SLC25A47: variants seen among roughly 807,000 people sequenced by gnomAD.
The protein encoded by SLC25A47 is HCC-down-regulated mitochondrial carrier protein.
SLC25A47 carries 30 observed loss-of-function variants against 29.8 expected under a neutral mutation model. The ratio of observed to expected loss-of-function variants is 1.01; its 90% CI spans 0.75 to 1.36. The LOEUF (loss-of-function observed/expected upper bound fraction) is 1.36. Among genes scored for constraint, SLC25A47 ranks in the 40% most tolerant of loss-of-function variants. SLC25A47 has a pLI of 0.00. For missense variants in SLC25A47, 430 were observed against 441.9 expected, an observed-to-expected ratio of 0.97 and a Z score of 0.24; for synonymous variants, 204 against 197.8, an observed-to-expected ratio of 1.03 and a Z score of -0.26.
chr14:100,329,687 G>C lies in SLC25A47; in HGVS notation c.*42G>C, dbSNP rs2139849521. ...GCGGCCCACCCACCAGCAGCTGCTG[G>C]AGGTCGTAGTGGCTGGAGGAGGCAA... On this transcript the variant is annotated 3_prime_UTR_variant, in exon 6 of 6. Coordinates refer to ENST00000361529, the MANE Select transcript of SLC25A47 (RefSeq NM_207117.4). 6.3e-7 allele frequency: 1 copy of C among 1,578,004 alleles called. No homozygotes were observed. Among genetic ancestry groups the C allele is most frequent in the East Asian group, 2.2e-5 (1 of 44,582 alleles).
At chr14:100,325,881 C>T (rs1261608321) in intron 2 of SLC25A47, 50 bp downstream of exon 2, 1 of 1,583,146 alleles carries the variant, frequency 6.3e-7, no homozygotes, top group Admixed American at 1.8e-5. Flanking sequence ...TGCACCTGTC[C>T]ACGGCCAGGA....
Position 100,330,098 on chromosome 14 carries a change from G to C in SLC25A47, c.*453G>C, listed in dbSNP as rs1266892425. The C allele has an allele frequency of 5.9e-6, 1 of 170,338 alleles. No homozygotes were observed. Among genetic ancestry groups the C allele is most frequent in the East Asian group, 1.7e-4 (1 of 6,020 alleles). The allele number at this position is 170,338 out of a possible 1,614,324, so 10.6% of individuals were successfully genotyped here. On this transcript the variant is annotated 3_prime_UTR_variant, in exon 6 of 6. Coordinates refer to ENST00000361529, the MANE Select transcript of SLC25A47 (RefSeq NM_207117.4). Reference sequence around the variant, plus strand: ...CCTTACAGGCAGGGGCTTCCCACAGGCTGGGGGCCTCGGGGCGGGGAGCAT... The same window carrying C: ...CCTTACAGGCAGGGGCTTCCCACAGCCTGGGGGCCTCGGGGCGGGGAGCAT...
At position 100,329,518 on chromosome 14, in the gene SLC25A47, G is replaced by A. The variant is rs1422942529; in HGVS notation, c.800G>A (p.Arg267Gln). 10 of 1,613,378 alleles carry A rather than the reference G, an allele frequency of 6.2e-6. No individual in the cohort carries two copies. Among genetic ancestry groups the A allele is most frequent in the African/African-American group, 5.3e-5 (4 of 74,914 alleles). Residue 267 changes from arginine (R) to glutamine (Q), a missense_variant, in exon 6 of 6, where the codon CGA (arginine) becomes CAA (glutamine). Coordinates refer to ENST00000361529, the MANE Select transcript of SLC25A47 (RefSeq NM_207117.4). ...GLLHCMVTSV[R>Q]EEGPRVLFKG... is the part of the protein sequence containing the mutation. ...CTGCACTGTATGGTGACCAGCGTTC[G>A]AGAGGAGGGACCCCGGGTCCTTTTC...
chr14:100,329,073 G>A (rs745724749), intron 5 of SLC25A47, 29 bp downstream of exon 5: 8 of 1,591,686 alleles, frequency 5.0e-6, no homozygotes, highest in African/African-American at 2.7e-5. Context: ...CTGGCAGGGC[G>A]GGGAGCCCAG....
At chr14:100,326,068 C>A in intron 2 of SLC25A47, 89 bp from the exon 3 acceptor site, 2 of 1,207,274 alleles carry the variant, frequency 1.7e-6, no homozygotes, top group East Asian at 4.9e-5. Context: ...CTGGGACAAT[C>A]AAGAGTGTGA....
In SLC25A47 at chr14:100,328,763, G is replaced by T; in HGVS notation, c.365G>T (p.Arg122Leu). ...LTSPTEVAKV[R>L]LQTQTQAQKQ... ...TCGCCCACTGAGGTGGCCAAAGTCC[G>T]CTTGCAGACGCAGACACAGGCGCAG... Residue 122 changes from arginine (R) to leucine (L), a missense_variant, in exon 5 of 6, where the codon CGC (arginine) becomes CTC (leucine). Coordinates refer to ENST00000361529, the MANE Select transcript of SLC25A47 (RefSeq NM_207117.4). The T allele has an allele frequency of 6.2e-7, 1 of 1,613,006 alleles. No individual in the cohort carries two copies. Among genetic ancestry groups the T allele is most frequent in the South Asian group, 1.1e-5 (1 of 91,092 alleles).
intron 4 of SLC25A47, among the ~76,000 whole-genome samples, chr14:100,328,226 C>T (rs1388083162): frequency 6.6e-6 from 1 of 151,920 alleles, no homozygotes; most frequent in Non-Finnish European, 1.5e-5. Context: ...ATTCTCCTGC[C>T]TCAGCCTCCT....
chr14:100,328,968 C>A lies in SLC25A47; in HGVS notation c.570C>A (p.Gly190=). 1 of 1,602,656 alleles carries A rather than the reference C, an allele frequency of 6.2e-7. No individual in the cohort carries two copies. Among genetic ancestry groups the A allele is most frequent in the Non-Finnish European group, 8.5e-7 (1 of 1,179,850 alleles). Reference sequence around the variant, plus strand: ...GCTCGGCCCTGGTCTTACGGGACGGCCACTCCTTTGCCACCTACTTCCTTT... The same window carrying A: ...GCTCGGCCCTGGTCTTACGGGACGGACACTCCTTTGCCACCTACTTCCTTT... The part of the protein sequence containing the change: ...KGSSALVLRD[G]HSFATYFLSY... Residue 190 remains glycine, a synonymous_variant, in exon 5 of 6, where the codon GGC becomes GGA. Transcript: ENST00000361529.
Position 100,328,763 on chromosome 14 carries a change from G to A in SLC25A47, c.365G>A (p.Arg122His), listed in dbSNP as rs775071555. 24 of 1,612,888 alleles carry A rather than the reference G, an allele frequency of 1.5e-5. No individual in the cohort carries two copies. Among genetic ancestry groups the A allele is most frequent in the South Asian group, 1.3e-4 (12 of 91,096 alleles). Residue 122 changes from arginine to histidine, a missense_variant, in exon 5 of 6, where the codon CGC (arginine) becomes CAC (histidine). Arg to His is a conservative substitution (Grantham distance 29). Coordinates refer to ENST00000361529, the MANE Select transcript of SLC25A47 (RefSeq NM_207117.4). Reference protein sequence around the residue: ...LTSPTEVAKVRLQTQTQAQKQ... With the variant: ...LTSPTEVAKVHLQTQTQAQKQ... ...TCGCCCACTGAGGTGGCCAAAGTCC[G>A]CTTGCAGACGCAGACACAGGCGCAG...
Position 100,327,331 on chromosome 14 carries a change from C to T in SLC25A47, c.288C>T (p.Ala96=), listed in dbSNP as rs764667969. Residue 96 remains alanine, a synonymous_variant, in exon 4 of 6, where the codon GCC becomes GCT. Coordinates refer to ENST00000361529, the MANE Select transcript of SLC25A47 (RefSeq NM_207117.4). ...ACCCTGACGCCAAGCCCACCAAGGC[C>T]GACATCACGCTCTCGGGATGCGCCT... The part of the protein sequence containing the change: ...YGNPDAKPTK[A]DITLSGCASG... 144 of 1,601,494 alleles carry T rather than the reference C, an allele frequency of 9.0e-5. No individual in the cohort carries two copies. Among genetic ancestry groups the T allele is most frequent in the Non-Finnish European group, 1.2e-4 (140 of 1,179,634 alleles).
intron 3 of SLC25A47, among the ~76,000 whole-genome samples, chr14:100,326,775 A>G (rs1188108200): frequency 6.6e-6 from 1 of 152,214 alleles, no homozygotes; most frequent in Non-Finnish European, 1.5e-5. Flanking sequence ...GGAGTTCAAG[A>G]CAAGCCTTGC....
chr14:100,328,946 C>T lies in SLC25A47; in HGVS notation c.548C>T (p.Ser183Leu), dbSNP rs369863627. Residue 183 changes from serine to leucine, a missense_variant, in exon 5 of 6, where the codon TCG becomes TTG. Ser to Leu is a moderately radical substitution (Grantham distance 145, BLOSUM62 -2). Coordinates refer to ENST00000361529, the MANE Select transcript of SLC25A47 (RefSeq NM_207117.4). ...EGLCGLYKGS[S>L]ALVLRDGHSF... is the part of the protein sequence containing the mutation. ...CTGTGCGGCCTCTACAAGGGCAGCT[C>T]GGCCCTGGTCTTACGGGACGGCCAC... 1.7e-5 allele frequency: 27 copies of T among 1,605,164 alleles called. No homozygotes were observed. The highest frequency in any genetic ancestry group is 3.3e-4 in the Middle Eastern group (2 of 6,084).
intron 3 of SLC25A47, 117 bp from the exon 4 acceptor site, chr14:100,327,071 C>T (rs771247891): frequency 3.5e-5 from 35 of 998,598 alleles, no homozygotes; most frequent in African/African-American, 6.5e-5. Context: ...GCCCTGAGGC[C>T]GTGAATGACC....
At chr14:100,324,438 T>C (rs1893302153) in intron 1 of SLC25A47, among the ~76,000 whole-genome samples, 1 of 152,178 alleles carries the variant, frequency 6.6e-6, no homozygotes, top group Non-Finnish European at 1.5e-5. Context: ...TTGGTCAGGC[T>C]GGTCTCAAAC....
chr14:100,328,488 G>A (rs1409871143), intron 4 of SLC25A47, among the ~76,000 whole-genome samples: 2 of 152,254 alleles, frequency 1.3e-5, no homozygotes, highest in Non-Finnish European at 2.9e-5. Flanking sequence ...ACACGTCCCA[G>A]GAGAAGCCTG....
intron 5 of SLC25A47, 110 bp downstream of exon 5, chr14:100,329,154 T>TGCCTCCC: frequency 1.3e-5 from 17 of 1,329,358 alleles, no homozygotes; most frequent in Non-Finnish European, 1.7e-5. Flanking sequence ...CTTGGCCTCC[T>TGCCTCCC]GCCTCCCAGA....
intron 4 of SLC25A47, among the ~76,000 whole-genome samples, chr14:100,327,674 G>T (rs1376754925): frequency 6.6e-6 from 1 of 152,226 alleles, no homozygotes; most frequent in Non-Finnish European, 1.5e-5. Flanking sequence ...ACCATGGGGA[G>T]CTGAATAGGC....
Position 100,329,393 on chromosome 14 carries a change from C to T in SLC25A47, c.675C>T (p.Gly225=). ...TCCCGGGCGTGCTGGTGGCCGGGGG[C>T]TGTGCAGGAGTCCTGGCCTGGGCTG... ...PDVPGVLVAG[G]CAGVLAWAVA... Residue 225 remains glycine, a synonymous_variant, in exon 6 of 6, where the codon GGC becomes GGT. Transcript: ENST00000361529. The T allele has an allele frequency of 6.2e-7, 1 of 1,608,612 alleles. No homozygotes were observed. Among genetic ancestry groups the T allele is most frequent in the South Asian group, 1.1e-5 (1 of 90,838 alleles).
intron 5 of SLC25A47, 123 bp downstream of exon 5, chr14:100,329,167 G>T: frequency 8.0e-7 from 1 of 1,248,294 alleles, no homozygotes; most frequent in Non-Finnish European, 1.1e-6. Context: ...CTCCCAGAGT[G>T]GGCTCCTCAG....
Sources: allele counts gnomAD v4.1 joint callset (sites outside exome capture counted in the v4.1 genomes callset), GRCh38; gene constraint gnomAD v4.1.1; transcripts MANE v1.5; gene names NCBI Gene and HGNC (gene_info 2026-07-23, HGNC 2026-07-21).